SLC16A12: variants seen among roughly 807,000 people sequenced by gnomAD.
SLC16A12 encodes solute carrier family 16 member 12, also known as monocarboxylate transporter 12.
Under a neutral mutation model 42.4 loss-of-function variants are expected in SLC16A12, and 17 were observed. The ratio of observed to expected loss-of-function variants is 0.40; its 90% confidence interval spans 0.27 to 0.60. The LOEUF is 0.60. Ranked by LOEUF, SLC16A12 falls within the 20% of genes least tolerant of loss-of-function variation. The probability of loss-of-function intolerance (pLI) is 0.42; values close to 1 mark genes in which losing one functional copy is unlikely to be tolerated. For missense variants in SLC16A12, 544 were observed against 623.0 expected (o/e 0.87, Z 1.35); for synonymous variants, 224 against 229.4 (o/e 0.98, Z 0.21).
At chr10:89,433,484 A>C (rs932994662) in intron 7 of SLC16A12, among the ~76,000 whole-genome samples, 158 bp from the exon 8 acceptor site, 1 of 152,234 alleles carries the variant, frequency 6.6e-6, no homozygotes, top group Non-Finnish European at 1.5e-5. Flanking sequence ...TTGTGCAGCA[A>C]CTGAAAAATA....
At chr10:89,535,811 G>A (rs1056614367), upstream of SLC16A12, among the ~76,000 whole-genome samples, 25 of 152,088 alleles carry the variant, frequency 1.6e-4, no homozygotes, top group African/African-American at 2.4e-5. Context: ...CTTCGGTGGG[G>A]CGGGGAGCGG....
At position 89,462,596 on chromosome 10, in the gene SLC16A12, C is replaced by T. The variant is rs192927493; in HGVS notation, c.-18G>A. The T allele has an allele frequency of 9.6e-4, 1,516 of 1,585,300 alleles. 9 individuals carry two copies. Among genetic ancestry groups the T allele is most frequent in the South Asian group, 8.5e-3 (757 of 89,008 alleles). On this transcript the variant is annotated 5_prime_UTR_variant, in exon 3 of 8. Transcript: ENST00000371790. ...GATGGCATTCAAGGTTGGCATAGAA[C>T]GCTACCTGGCCCATGGGTTACTCGC...
chr10:89,441,972 C>T (rs776618202), intron 4 of SLC16A12, among the ~76,000 whole-genome samples: 3 of 152,136 alleles, frequency 2.0e-5, no homozygotes, highest in Non-Finnish European at 4.4e-5. Flanking sequence ...CACCTAACAC[C>T]GAGTGTGAGG....
At chr10:89,493,641 G>C (rs1342733962) in intron 2 of SLC16A12, among the ~76,000 whole-genome samples, 1 of 152,206 alleles carries the variant, frequency 6.6e-6, no homozygotes, top group African/African-American at 2.4e-5. Flanking sequence ...GGCTGAGCCA[G>C]AATGTAAGCT....
intron 6 of SLC16A12, among the ~76,000 whole-genome samples, chr10:89,437,224 T>A (rs1841815464): frequency 6.6e-6 from 1 of 152,236 alleles, no homozygotes; most frequent in South Asian, 2.1e-4. Flanking sequence ...TGGACTAGGA[T>A]GAAGTCTAAT....
chr10:89,440,446 C>T (rs1025075758), intron 5 of SLC16A12, among the ~76,000 whole-genome samples: 10 of 152,200 alleles, frequency 6.6e-5, no homozygotes, highest in Admixed American at 6.5e-4. Context: ...TGACCTTATT[C>T]ACGCCACACC....
At chr10:89,480,023 G>A (rs1842640043) in intron 2 of SLC16A12, among the ~76,000 whole-genome samples, 1 of 152,122 alleles carries the variant, frequency 6.6e-6, no homozygotes, top group South Asian at 2.1e-4. Context: ...AGGCCCTTTA[G>A]GTCATGATGC....
intron 3 of SLC16A12, among the ~76,000 whole-genome samples, chr10:89,458,338 G>A (rs569688016): frequency 6.6e-6 from 1 of 152,122 alleles, no homozygotes; most frequent in African/African-American, 2.4e-5. Context: ...TGCTCTTCAT[G>A]GTTCTTCCAC....
chr10:89,550,448 G>T (rs1311863589), intron 2 of SLC16A12, among the ~76,000 whole-genome samples: 1 of 152,234 alleles, frequency 6.6e-6, no homozygotes, highest in Non-Finnish European at 1.5e-5. Context: ...GAATCCGGGA[G>T]GCGGAGGTTG....
intron 4 of SLC16A12, among the ~76,000 whole-genome samples, chr10:89,441,906 C>CA (rs1418580523): frequency 1.3e-5 from 2 of 152,108 alleles, no homozygotes; most frequent in East Asian, 3.9e-4. Flanking sequence ...AACCAGAGAC[C>CA]AAAATGGAAC....
At chr10:89,476,027 T>C (rs1416557033) in intron 2 of SLC16A12, among the ~76,000 whole-genome samples, 1 of 152,174 alleles carries the variant, frequency 6.6e-6, no homozygotes, top group African/African-American at 2.4e-5. Context: ...AGTAATAGGG[T>C]TCTGGTATAA....
At chr10:89,524,486 C>A (rs1471595709) in intron 2 of SLC16A12, among the ~76,000 whole-genome samples, 1 of 152,212 alleles carries the variant, frequency 6.6e-6, no homozygotes, top group Non-Finnish European at 1.5e-5. Flanking sequence ...GCAATTCCCA[C>A]CTCAGCGCTT....
intron 2 of SLC16A12, among the ~76,000 whole-genome samples, chr10:89,489,396 A>G (rs497191): frequency 0.23 from 34,960 of 151,860 alleles, 4,776 homozygotes; most frequent in Non-Finnish European, 0.32. Context: ...CTGGAGTGCA[A>G]TGGCGAGATC....
chr10:89,439,055 C>A lies in SLC16A12; in HGVS notation c.577G>T (p.Val193Leu), dbSNP rs1217783832. Residue 193 changes from valine (V) to leucine (L), a missense_variant, in exon 6 of 8, where the codon GTG (valine) becomes TTG (leucine). By Grantham distance (32) the Val-to-Leu change is conservative. Transcript: ENST00000371790. ...AACTGTTCAATAAGGAGCTGAACCA[C>A]AGGAGCCAGGATGAAGGTGCCAATG... ...SGIGTFILAP[V>L]VQLLIEQFSW... The A allele has an allele frequency of 6.2e-7, 1 of 1,613,436 alleles. No individual in the cohort carries two copies. Among genetic ancestry groups the A allele is most frequent in the Non-Finnish European group, 8.5e-7 (1 of 1,179,732 alleles).
At chr10:89,555,421 CAGTT>C (rs1474434806) in intron 2 of SLC16A12, among the ~76,000 whole-genome samples, 1 of 141,090 alleles carries the variant, frequency 7.1e-6, no homozygotes, top group Non-Finnish European at 1.6e-5. Context: ...GGTACAAACA[CAGTT>C]AGGCTTTTGG....
chr10:89,542,034 C>T (rs750312980), intron 2 of SLC16A12, among the ~76,000 whole-genome samples: 31 of 152,118 alleles, frequency 2.0e-4, no homozygotes, highest in East Asian at 7.7e-4. Context: ...CCTTTCTCTC[C>T]GGGTGCTTTG....
chr10:89,438,838 G>A lies in SLC16A12; in HGVS notation c.794C>T (p.Thr265Ile). ...TTGCTGCAAACAGCAACAGAGGCAA[G>A]TCTGTGCCCATTCTTTGGTCAAAGA... ...YSSLTKEWAQTCLCCCLQQEY... is the reference protein window; with the variant it reads ...YSSLTKEWAQICLCCCLQQEY... Residue 265 changes from threonine to isoleucine, a missense_variant, in exon 6 of 8, where the codon ACT becomes ATT. By Grantham distance (89) the Thr-to-Ile change is moderately conservative. Coordinates refer to ENST00000371790, the MANE Select transcript of SLC16A12 (RefSeq NM_213606.4). 6.2e-7 allele frequency: 1 copy of A among 1,614,210 alleles called. No individual in the cohort carries two copies. Among genetic ancestry groups the A allele is most frequent in the Non-Finnish European group, 8.5e-7 (1 of 1,180,040 alleles).
In SLC16A12 at chr10:89,433,204, A is replaced by T. The variant is rs1254477494; in HGVS notation, c.1411T>A (p.Leu471Met). 1.9e-6 allele frequency: 3 copies of T among 1,614,098 alleles called. No homozygotes were observed. In the Admixed American group the frequency reaches 5.0e-5, roughly 27 times the overall value. Residue 471 changes from leucine (L) to methionine (M), a missense_variant, in exon 8 of 8, where the codon TTG (leucine) becomes ATG (methionine). Leu to Met is a conservative substitution (Grantham distance 15, BLOSUM62 2). Transcript: ENST00000371790. ...TCAGATTCTTTGGCAATGAACTGCA[A>T]CTGGGTTTTTCTCATTCTCTTTATA... ...RLIKRMRKTQLQFIAKESDPK... is the reference protein window; with the variant it reads ...RLIKRMRKTQMQFIAKESDPK...
At chr10:89,547,254 GT>G (rs1210926665) in intron 2 of SLC16A12, among the ~76,000 whole-genome samples, 1 of 152,118 alleles carries the variant, frequency 6.6e-6, no homozygotes, top group Non-Finnish European at 1.5e-5. Flanking sequence ...ATTATCAGAA[GT>G]CTTTTGTATA....
Sources: allele counts gnomAD v4.1 joint callset (sites outside exome capture counted in the v4.1 genomes callset), GRCh38; gene constraint gnomAD v4.1.1; transcripts MANE v1.5; gene names NCBI Gene and HGNC (gene_info 2026-07-23, HGNC 2026-07-21).